DOCK5: variants seen among roughly 807,000 people sequenced by gnomAD.
DOCK5 encodes the protein dedicator of cytokinesis protein 5.
DOCK5 carries 142 observed loss-of-function variants against 251.8 expected under a neutral mutation model. The observed-to-expected ratio is 0.56, with a 90% CI of 0.49 to 0.65. The LOEUF is 0.65. Ranked by LOEUF, DOCK5 falls within the 30% of genes least tolerant of loss-of-function variation. DOCK5 has a pLI of 0.00. For synonymous variants in DOCK5, 842 were observed against 835.5 expected, an observed-to-expected ratio of 1.01 and a Z score of -0.13; for missense variants, 2,111 against 2,312.3, an observed-to-expected ratio of 0.91 and a Z score of 1.79.
chr8:25,333,882 G>C (rs1258295968), intron 20 of DOCK5, among the ~76,000 whole-genome samples: 1 of 152,076 alleles, frequency 6.6e-6, no homozygotes, highest in East Asian at 1.9e-4. Flanking sequence ...TTTCTTCACA[G>C]CATTTAACAT....
At chr8:25,367,567 T>C (rs896708260) in intron 31 of DOCK5, among the ~76,000 whole-genome samples, 1 of 152,234 alleles carries the variant, frequency 6.6e-6, no homozygotes, top group Non-Finnish European at 1.5e-5. Flanking sequence ...TGTGTTCCCC[T>C]TGTTGGGATA....
rs1301616061 is a variant in DOCK5, at chr8:25,415,534, A to G, written c.*4236A>G. On this transcript the variant is annotated 3_prime_UTR_variant, in exon 52 of 52. Coordinates refer to ENST00000276440, the MANE Select transcript of DOCK5 (RefSeq NM_024940.8). Reference sequence around the variant, plus strand: ...TATCAGATGTCCAAACTCATCTACTATTAGCCATATTTTGTGAGTCGTTTG... The same window carrying G: ...TATCAGATGTCCAAACTCATCTACTGTTAGCCATATTTTGTGAGTCGTTTG... 6.6e-6 allele frequency: 1 copy of G among 152,206 alleles called. No homozygotes were observed. The highest frequency in any genetic ancestry group is 2.4e-5 in the African/African-American group (1 of 41,464). The allele number at this position is 152,206 out of a possible 1,614,324, so 9.4% of individuals were successfully genotyped here.
chr8:25,395,323 G>A (rs535709183), intron 44 of DOCK5, among the ~76,000 whole-genome samples: 45 of 152,212 alleles, frequency 3.0e-4, no homozygotes, highest in Admixed American at 8.5e-4. Context: ...CTTACCTGTC[G>A]CTCACCTCTG....
intron 5 of DOCK5, among the ~76,000 whole-genome samples, chr8:25,281,410 G>GC (rs1486617022): frequency 1.4e-5 from 2 of 144,384 alleles, no homozygotes; most frequent in Non-Finnish European, 3.0e-5. Flanking sequence ...TTGCACTTCA[G>GC]CCTGGGGGAA....
intron 40 of DOCK5, among the ~76,000 whole-genome samples, chr8:25,387,024 C>G (rs1399139526): frequency 1.3e-5 from 2 of 152,134 alleles, no homozygotes; most frequent in African/African-American, 4.8e-5. Flanking sequence ...ATAAAATCCT[C>G]AGGAGTGATA....
At chr8:25,309,423 T>C (rs556605757) in intron 12 of DOCK5, among the ~76,000 whole-genome samples, 4 of 152,150 alleles carry the variant, frequency 2.6e-5, no homozygotes, top group African/African-American at 9.6e-5. Flanking sequence ...CCTTAAGTGA[T>C]CCTCCCACCT....
intron 1 of DOCK5, among the ~76,000 whole-genome samples, chr8:25,229,441 A>G (rs938385020): frequency 6.6e-6 from 1 of 152,040 alleles, no homozygotes. Context: ...AGATCTTGCT[A>G]CTGCACTCCA....
At position 25,221,795 on chromosome 8, in the gene DOCK5, A is replaced by G. The variant is rs539262547; in HGVS notation, c.44-21879A>G. On this transcript the variant is annotated intron_variant, in intron 1 of 51. Transcript: ENST00000276440. ...GTGTACAGTTATTCCTCAGATTGGC[A>G]GAGGAGAAAATGAAGGCTTAAAGAA... 2.0e-4 allele frequency among the ~76,000 whole-genome samples: 31 copies of G among 152,312 alleles called. No homozygotes were observed. In the South Asian group the frequency reaches 6.4e-3, roughly 32 times the overall value.
chr8:25,395,785 C>G lies in DOCK5; in HGVS notation c.4704+66C>G, dbSNP rs778298273. The G allele has an allele frequency of 3.3e-6, 5 of 1,513,162 alleles. No individual in the cohort carries two copies. The Admixed American group carries it at 7.6e-5, about 23-fold the overall frequency. 93.7% of individuals were successfully genotyped at this position (1,513,162 alleles called of 1,614,324 possible). On this transcript the variant is annotated intron_variant, in intron 45 of 51. Coordinates refer to ENST00000276440, the MANE Select transcript of DOCK5 (RefSeq NM_024940.8). ...GGGTGTCTGTGTGCCTCCCTCTGTG[C>G]CATTTGCCACTGACAAATTCATTTC... is the stretch of plus-strand genomic sequence containing the variant.
chr8:25,382,938 C>A (rs544642227), intron 40 of DOCK5, among the ~76,000 whole-genome samples, 160 bp downstream of exon 40: 121 of 149,180 alleles, frequency 8.1e-4, no homozygotes, highest in African/African-American at 2.9e-3. Flanking sequence ...CTCTTCACCC[C>A]ACACCCCCGG....
At chr8:25,332,576 T>C (rs1236064224) in intron 19 of DOCK5, 27 bp from the exon 20 acceptor site, 18 of 1,575,030 alleles carry the variant, frequency 1.1e-5, no homozygotes, top group Non-Finnish European at 1.5e-5. Flanking sequence ...AGCATCAAAA[T>C]AACCTCTCCG....
chr8:25,368,769 G>T (rs1800822710), intron 33 of DOCK5, 44 bp downstream of exon 33: 1 of 1,571,278 alleles, frequency 6.4e-7, no homozygotes, highest in Admixed American at 1.8e-5. Context: ...TGGACATATA[G>T]TCAAATCATA....
chr8:25,198,326 T>G (rs1317040278), intron 1 of DOCK5, among the ~76,000 whole-genome samples: 1 of 152,110 alleles, frequency 6.6e-6, no homozygotes, highest in Non-Finnish European at 1.5e-5. Flanking sequence ...ATCCCAGCAC[T>G]GTGGGAAGCT....
chr8:25,387,451 G>A (rs371588983), intron 40 of DOCK5, among the ~76,000 whole-genome samples: 4 of 152,062 alleles, frequency 2.6e-5, no homozygotes, highest in African/African-American at 7.3e-5. Flanking sequence ...CCCTTCTCCC[G>A]ACACCAAAGA....
intron 5 of DOCK5, among the ~76,000 whole-genome samples, chr8:25,281,895 A>G (rs1193592152): frequency 1.3e-5 from 2 of 151,626 alleles, no homozygotes; most frequent in Non-Finnish European, 2.9e-5. Context: ...AAAAGAAAAA[A>G]AAAAAAAAAA....
Position 25,210,205 on chromosome 8 carries a change from G to T in DOCK5, c.43+25254G>T, listed in dbSNP as rs1342313212. ...ACTCTTGGCCTCAAGCGATCCTCCT[G>T]CCTTGGGCTCCCAAAGTGCTGAGAT... On this transcript the variant is annotated intron_variant, in intron 1 of 51. Transcript: ENST00000276440. Among the ~76,000 whole-genome samples, 5 of 63,184 alleles carry T rather than the reference G, an allele frequency of 7.9e-5. 1 individual carries two copies. The highest frequency in any genetic ancestry group is 1.8e-4 in the African/African-American group (5 of 27,412). The allele number at this position is 63,184 out of a possible 152,430, so 41.5% of individuals were successfully genotyped here.
At chr8:25,379,316 C>A (rs1324270587) in intron 38 of DOCK5, among the ~76,000 whole-genome samples, 1 of 144,112 alleles carries the variant, frequency 6.9e-6, no homozygotes, top group Non-Finnish European at 1.5e-5. Flanking sequence ...TTATAGACCT[C>A]CCCCCAAGGA....
Position 25,345,570 on chromosome 8 carries a change from C to A in DOCK5, c.2713C>A (p.Leu905Ile), listed in dbSNP as rs1800349673. 1 of 1,613,818 alleles carries A rather than the reference C, an allele frequency of 6.2e-7. No individual in the cohort carries two copies. The highest frequency in any genetic ancestry group is 1.1e-5 in the South Asian group (1 of 91,094). ...NKPDHEASSQ[L>I]LSNILEVLDR... is the part of the protein sequence containing the mutation. The stretch of plus-strand genomic sequence containing the variant: ...GCCTGACCACGAGGCAAGCTCGCAG[C>A]TTCTGAGCAACATCCTGGAGGTGCT... The change falls in exon 26 of 52, where the codon CTT becomes ATT. Residue 905 changes from leucine to isoleucine, a missense_variant. Physicochemically the swap from Leu to Ile is conservative, Grantham distance 5. Around this residue, in one of 3 missense-constraint regions of DOCK5, gnomAD observed 1,717 missense variants for 1,892.4 expected, o/e 0.91. Coordinates refer to ENST00000276440, the MANE Select transcript of DOCK5 (RefSeq NM_024940.8).
intron 5 of DOCK5, among the ~76,000 whole-genome samples, chr8:25,289,869 T>G (rs891977201): frequency 2.0e-5 from 3 of 152,006 alleles, no homozygotes; most frequent in African/African-American, 7.2e-5. Flanking sequence ...GGAAATAGAT[T>G]CATAGTATAT....
Sources: gnomAD v4.1 joint callset for allele counts (sites outside exome capture counted in the v4.1 genomes callset) on GRCh38, gnomAD v4.1.1 for gene constraint, gnomAD v4.1.1 regional missense constraint, MANE v1.5 for transcripts, NCBI Gene and HGNC (gene_info 2026-07-23, HGNC 2026-07-21) for gene names.